Variants in MGAM observed in about 807,000 individuals in gnomAD.
MGAM encodes maltase-glucoamylase.
A neutral mutation model predicts 358.8 loss-of-function variants in MGAM; 253 were observed. The ratio of observed to expected loss-of-function variants is 0.71; its 90% CI spans 0.64 to 0.78. The LOEUF (loss-of-function observed/expected upper bound fraction) is 0.78. Among genes scored for constraint, MGAM ranks in the 30% least tolerant of loss-of-function variants. The probability of loss-of-function intolerance (pLI) is 0.00; values close to 1 mark genes in which losing one functional copy is unlikely to be tolerated. For synonymous variants in MGAM, 1,105 were observed against 1,227.1 expected (o/e 0.90, Z 2.08); for missense variants, 3,080 against 3,432.6 (o/e 0.90, Z 2.57).
In MGAM at chr7:142,032,874, C is replaced by A; in HGVS notation, c.1634C>A (p.Ser545Tyr). The change falls in exon 14 of 71, where the codon TCC becomes TAC. Residue 545 changes from serine (S) to tyrosine (Y), a missense_variant. Ser to Tyr is a moderately radical substitution (Grantham distance 144, BLOSUM62 -2). This residue lies in a region of MGAM where 1,816 missense variants were observed against 1,840.5 expected (regional missense o/e 0.99). Transcript: ENST00000475668. ...NFVDGSVSGC[S>Y]TNNLNNPPFT... Reference sequence around the variant, plus strand: ...GTTGATGGTTCGGTCTCAGGATGTTCCACAAACAACCTAAATAATCCCCCA... The same window carrying A: ...GTTGATGGTTCGGTCTCAGGATGTTACACAAACAACCTAAATAATCCCCCA... 6.2e-7 allele frequency: 1 copy of A among 1,610,380 alleles called. No homozygotes were observed. Among genetic ancestry groups the A allele is most frequent in the Non-Finnish European group, 8.5e-7 (1 of 1,178,116 alleles).
In MGAM at chr7:142,065,434, G is replaced by C. The variant is rs370385613; in HGVS notation, c.4584G>C (p.Thr1528=). The change falls in exon 38 of 71, where the codon ACG becomes ACC. Residue 1528 remains threonine, a synonymous_variant. Transcript: ENST00000475668. The part of the protein sequence containing the change: ...RWAGHWLGDN[T]AAWDQLKKSI... ...CAGGACATTGGCTGGGAGACAACACGGCCGCATGGGATCAGCTGAAGAAGT... is the reference window on the plus strand; with the variant it reads ...CAGGACATTGGCTGGGAGACAACACCGCCGCATGGGATCAGCTGAAGAAGT... The C allele has an allele frequency of 1.9e-6, 3 of 1,609,676 alleles. No homozygotes were observed. In the Admixed American group the frequency reaches 5.1e-5, roughly 27 times the overall value.
rs201436141 is a variant in MGAM at position 142,034,795 on chromosome 7, G to C, written c.1913G>C (p.Trp638Ser). ...DNTATWDDLR[W>S]SIPGVLEFNL... The stretch of plus-strand genomic sequence containing the variant: ...ACTGCCACCTGGGATGACCTGAGAT[G>C]GTCCATCCCTGGCGTGCTTGAGTTC... Residue 638 changes from tryptophan to serine, a missense_variant, in exon 16 of 71, where the codon TGG (tryptophan) becomes TCG (serine). Coordinates refer to ENST00000475668, the MANE Select transcript of MGAM (RefSeq NM_001365693.1). The C allele has an allele frequency of 2.9e-5, 47 of 1,613,298 alleles. No individual in the cohort carries two copies. Among genetic ancestry groups the C allele is most frequent in the Non-Finnish European group, 3.8e-5 (45 of 1,179,536 alleles).
intron 57 of MGAM, among the ~76,000 whole-genome samples, chr7:142,088,489 G>A (rs62477634): frequency 0.5 from 71,492 of 142,240 alleles, 22,610 homozygotes; most frequent in African/African-American, 0.67. Context: ...ACCTATCTCA[G>A]TCTATCATAT....
Position 142,054,849 on chromosome 7 carries a change from G to A in MGAM, c.3255G>A (p.Val1085=), listed in dbSNP as rs200667889. ...SSTPEGQLYD[V]LIKKNPFGIE... Reference sequence around the variant, plus strand: ...CCCCTGAGGGTCAACTCTATGATGTGCTCATTAAGAAGAATCCATTTGGGA... The same window carrying A: ...CCCCTGAGGGTCAACTCTATGATGTACTCATTAAGAAGAATCCATTTGGGA... Residue 1085 remains valine (V), a synonymous_variant, in exon 27 of 71, where the codon GTG becomes GTA. Transcript: ENST00000475668. 5 of 1,613,892 alleles carry A rather than the reference G, an allele frequency of 3.1e-6. No individual in the cohort carries two copies. The highest frequency in any genetic ancestry group is 1.7e-6 in the Non-Finnish European group (2 of 1,179,840).
intron 21 of MGAM, among the ~76,000 whole-genome samples, chr7:142,041,942 ATATATACAT>A (rs1808696779): frequency 1.2e-4 from 2 of 16,900 alleles, no homozygotes; most frequent in Non-Finnish European, 2.6e-4. Context: ...TATATATTAT[ATATATACAT>A]ATATATAATA....
At chr7:142,088,820 ACCATCTATCTATCTATCTAT>A (rs1320299755) in intron 57 of MGAM, among the ~76,000 whole-genome samples, 1 of 81,168 alleles carries the variant, frequency 1.2e-5, no homozygotes, top group Admixed American at 1.5e-4. Flanking sequence ...CTATCTATGT[ACCATCTATCTATCTATCTAT>A]CTATCTATCT....
chr7:142,016,306 C>G (rs1004449166), intron 3 of MGAM, among the ~76,000 whole-genome samples: 8 of 152,114 alleles, frequency 5.3e-5, no homozygotes, highest in Admixed American at 4.6e-4. Flanking sequence ...GGCGAAAGAG[C>G]CTGTATAGCT....
At chr7:142,104,827 T>C (rs1484416566) in intron 70 of MGAM, among the ~76,000 whole-genome samples, 1 of 152,182 alleles carries the variant, frequency 6.6e-6, no homozygotes, top group African/African-American at 2.4e-5. Context: ...TCCTGACACT[T>C]ATCATCCCGA....
chr7:142,034,891 T>C (rs986687976), intron 16 of MGAM, 50 bp downstream of exon 16: 2 of 1,558,546 alleles, frequency 1.3e-6, no homozygotes, highest in African/African-American at 1.4e-5. Context: ...CCAGGCAACC[T>C]CATTCTAGAA....
At position 142,087,422 on chromosome 7, in the gene MGAM, G is replaced by A. The variant is rs773677148; in HGVS notation, c.6810+705G>A. On this transcript the variant is annotated intron_variant, in intron 57 of 70. Coordinates refer to ENST00000475668, the MANE Select transcript of MGAM (RefSeq NM_001365693.1). The stretch of plus-strand genomic sequence containing the variant: ...CTCCTTACAGGTCTAGGAAGGCTAC[G>A]GCCCCATCCTCTGGCCAAGATGTGT... Among the ~76,000 whole-genome samples the A allele has an allele frequency of 3.1e-4, 45 of 145,932 alleles. 4 individuals carry two copies. Among genetic ancestry groups the A allele is most frequent in the Admixed American group, 1.6e-3 (23 of 14,482 alleles).
intron 1 of MGAM, among the ~76,000 whole-genome samples, chr7:142,004,118 T>G (rs911126104): frequency 5.9e-5 from 9 of 152,082 alleles, no homozygotes; most frequent in Admixed American, 1.3e-4. Context: ...ACAATCTCTA[T>G]AGAAAATGGT....
At chr7:142,064,163 C>T (rs1343258539) in intron 36 of MGAM, among the ~76,000 whole-genome samples, 2 of 152,204 alleles carry the variant, frequency 1.3e-5, no homozygotes, top group Non-Finnish European at 2.9e-5. Context: ...GTACGTTCTT[C>T]CTGACACCTC....
chr7:142,074,139 A>G lies in MGAM; in HGVS notation c.5241A>G (p.Lys1747=). 4 of 1,545,910 alleles carry G rather than the reference A, an allele frequency of 2.6e-6. 1 individual carries two copies. Among genetic ancestry groups the G allele is most frequent in the Non-Finnish European group, 3.5e-6 (4 of 1,127,698 alleles). ...CCCTAGATGAAAACAAAGAAGCAAA[A>G]GGAGAACTTTTCTGGGATGATGGGC... ...IIALDENKEA[K]GELFWDDGQT... is the part of the protein sequence containing the mutation. The change falls in exon 45 of 71, where the codon AAA becomes AAG. Residue 1747 remains lysine (K), a synonymous_variant. Coordinates refer to ENST00000475668, the MANE Select transcript of MGAM (RefSeq NM_001365693.1).
chr7:142,032,974 C>A, intron 14 of MGAM, 65 bp downstream of exon 14: 3 of 1,123,208 alleles, frequency 2.7e-6, no homozygotes, highest in Non-Finnish European at 3.8e-6. Flanking sequence ...TTCATAAGGA[C>A]AGATCTGAAA....
intron 29 of MGAM, 128 bp from the exon 30 acceptor site, chr7:142,056,702 A>G (rs62477617): frequency 0.16 from 130,674 of 835,512 alleles, 10,874 homozygotes; most frequent in Middle Eastern, 0.23. Context: ...TGTGAGTATG[A>G]TAGAAAATGC....
chr7:141,999,668 A>T (rs1277387174), intron 1 of MGAM, among the ~76,000 whole-genome samples: 1 of 152,202 alleles, frequency 6.6e-6, no homozygotes, highest in Non-Finnish European at 1.5e-5. Context: ...TTGCATAGTT[A>T]TATATTTGTC....
intron 34 of MGAM, among the ~76,000 whole-genome samples, chr7:142,061,252 T>G (rs1812170123): frequency 6.6e-6 from 1 of 152,250 alleles, no homozygotes; most frequent in Admixed American, 6.5e-5. Flanking sequence ...TGGGATAGAA[T>G]TCTGACTCAG....
intron 57 of MGAM, among the ~76,000 whole-genome samples, 196 bp from the exon 58 acceptor site, chr7:142,091,717 G>C (rs1815401605): frequency 6.9e-6 from 1 of 145,884 alleles, no homozygotes; most frequent in Non-Finnish European, 1.6e-5. Flanking sequence ...CCAAATGCCG[G>C]GAAGGTGTGC....
intron 18 of MGAM, 102 bp from the exon 19 acceptor site, chr7:142,038,429 C>A (rs1267650192): frequency 1.1e-6 from 1 of 870,632 alleles, no homozygotes; most frequent in Non-Finnish European, 1.8e-6. Flanking sequence ...TTTGCCTGGG[C>A]AGACGGCCTG....
Sources: gnomAD v4.1 joint callset for allele counts (sites outside exome capture counted in the v4.1 genomes callset) on GRCh38, gnomAD v4.1.1 for gene constraint, gnomAD v4.1.1 regional missense constraint, MANE v1.5 for transcripts, NCBI Gene and HGNC (gene_info 2026-07-23, HGNC 2026-07-21) for gene names.